Variants in DSCAM observed in about 807,000 individuals in gnomAD.
DSCAM encodes the protein cell adhesion molecule DSCAM.
DSCAM carries 47 observed loss-of-function variants against 217.7 expected under a neutral mutation model. The ratio of observed to expected loss-of-function variants is 0.22; its 90% CI spans 0.17 to 0.28. The LOEUF (loss-of-function observed/expected upper bound fraction) is 0.28, where lower values mean the gene tolerates loss of function less well. Ranked by LOEUF, DSCAM falls within the 10% of genes least tolerant of loss-of-function variation. DSCAM has a pLI of 1.00. For synonymous variants in DSCAM, 1,056 were observed against 1,015.3 expected (o/e 1.04, Z -0.76); for missense variants, 2,080 against 2,618.3 (o/e 0.79, Z 4.49).
intron 11 of DSCAM, among the ~76,000 whole-genome samples, chr21:40,231,436 A>G (rs993863454): frequency 6.6e-6 from 1 of 151,658 alleles, no homozygotes; most frequent in Non-Finnish European, 1.5e-5. Flanking sequence ...TCCGGGTGAG[A>G]GTTTATCTCT....
At chr21:40,130,238 T>C (rs902728496) in intron 19 of DSCAM, among the ~76,000 whole-genome samples, 29 of 152,238 alleles carry the variant, frequency 1.9e-4, no homozygotes, top group Non-Finnish European at 4.0e-4. Flanking sequence ...ACTCGTATTA[T>C]AGTATTGGCA....
rs114726189 is a variant in DSCAM at position 40,090,996 on chromosome 21, C to T, written c.3850+2725G>A. ...TCATTCTTGCTATCTCCTTCTCCAC[C>T]CTCCTCCATTTCTGCCTCTCTGCAG... On this transcript the variant is annotated intron_variant, in intron 21 of 32. Transcript: ENST00000400454. Among the ~76,000 whole-genome samples the T allele has an allele frequency of 6.9e-3, 1,049 of 152,284 alleles. 13 individuals are homozygous for T. Among genetic ancestry groups the T allele is most frequent in the African/African-American group, 0.024 (977 of 41,546 alleles).
intron 1 of DSCAM, among the ~76,000 whole-genome samples, chr21:40,782,933 C>T (rs945145846): frequency 6.6e-6 from 1 of 152,096 alleles, no homozygotes; most frequent in African/African-American, 2.4e-5. Flanking sequence ...TGCCCTGAGG[C>T]GGATCACATA....
intron 24 of DSCAM, among the ~76,000 whole-genome samples, chr21:40,082,011 T>A (rs1248594616): frequency 6.6e-6 from 1 of 152,130 alleles, no homozygotes; most frequent in Non-Finnish European, 1.5e-5. Context: ...TGCCCCCTAT[T>A]TTTTTCCTAT....
intron 3 of DSCAM, among the ~76,000 whole-genome samples, chr21:40,526,021 C>A (rs7276349): frequency 0.088 from 13,422 of 152,208 alleles, 910 homozygotes; most frequent in East Asian, 0.23. Context: ...TGCTGGACAA[C>A]ACCCTCTCTA....
intron 1 of DSCAM, among the ~76,000 whole-genome samples, chr21:40,772,814 C>T (rs969955798): frequency 2.0e-5 from 3 of 152,248 alleles, no homozygotes; most frequent in African/African-American, 7.2e-5. Flanking sequence ...TGGACCAGGG[C>T]CCGTAACAAA....
chr21:40,786,906 G>A (rs7279907), intron 1 of DSCAM, among the ~76,000 whole-genome samples: 30,505 of 151,834 alleles, frequency 0.2, 3,846 homozygotes, highest in African/African-American at 0.36. Flanking sequence ...TTCATATTAC[G>A]AATCTGAAAC....
At chr21:40,348,726 G>A (rs942107674) in intron 5 of DSCAM, among the ~76,000 whole-genome samples, 1 of 152,112 alleles carries the variant, frequency 6.6e-6, no homozygotes, top group Non-Finnish European at 1.5e-5. Flanking sequence ...ATTTTGTTTG[G>A]GAACATCCTC....
At chr21:40,716,482 A>C (rs2090843713) in intron 1 of DSCAM, among the ~76,000 whole-genome samples, 1 of 152,168 alleles carries the variant, frequency 6.6e-6, no homozygotes, top group Non-Finnish European at 1.5e-5. Context: ...TTCAGGGTTG[A>C]AAATCCTGGG....
At chr21:40,513,820 A>AT (rs1281706908) in intron 3 of DSCAM, among the ~76,000 whole-genome samples, 2 of 152,170 alleles carry the variant, frequency 1.3e-5, no homozygotes, top group East Asian at 3.9e-4. Context: ...AAAATAACAT[A>AT]TTAGAGAGAG....
intron 3 of DSCAM, chr21:40,383,204 T>G (rs1270820636): frequency 6.6e-6 from 1 of 152,046 alleles, no homozygotes; most frequent in Non-Finnish European, 1.5e-5. Context: ...GGTGTGCGCC[T>G]GGAATCCCAG....
rs3818650 is a variant in DSCAM at position 40,144,324 on chromosome 21, G to A, written c.3259+167C>T. ...CCTGCCCCAGGGCGGGCAGATCAGC[G>A]GGGTGGGCGAGGTCACGAGGGAAGG... On this transcript the variant is annotated intron_variant, in intron 17 of 32. Coordinates refer to ENST00000400454, the MANE Select transcript of DSCAM (RefSeq NM_001389.5). This position sits in a 1 kb window ranked among gnomAD's most constrained non-coding sequence, Gnocchi z 4.8. Among the ~76,000 whole-genome samples, 67,167 of 151,974 alleles carry A rather than the reference G, an allele frequency of 0.44. 18,086 individuals are homozygous for A. The highest frequency in any genetic ancestry group is 0.6 in the South Asian group (2,855 of 4,798).
chr21:40,526,681 C>T (rs759682993), intron 3 of DSCAM, among the ~76,000 whole-genome samples: 24 of 152,092 alleles, frequency 1.6e-4, no homozygotes, highest in Non-Finnish European at 3.1e-4. Context: ...ACCATTAGGG[C>T]ACTTCAACAG....
intron 3 of DSCAM, among the ~76,000 whole-genome samples, chr21:40,484,779 A>G (rs2076011079): frequency 2.6e-5 from 4 of 152,156 alleles, no homozygotes; most frequent in African/African-American, 9.7e-5. Flanking sequence ...CCTGTTTTAT[A>G]CAGGGAGATG....
intron 3 of DSCAM, among the ~76,000 whole-genome samples, chr21:40,599,753 A>G (rs2077048672): frequency 6.6e-6 from 1 of 152,220 alleles, no homozygotes; most frequent in Non-Finnish European, 1.5e-5. Context: ...AATAGACACA[A>G]TAAAACACGA....
At position 40,750,362 on chromosome 21, in the gene DSCAM, T is replaced by C. The variant is rs141931339; in HGVS notation, c.44-41591A>G. 4.8e-3 allele frequency among the ~76,000 whole-genome samples: 730 copies of C among 152,340 alleles called. 2 individuals carry two copies. Among genetic ancestry groups the C allele is most frequent in the African/African-American group, 0.016 (683 of 41,588 alleles). On this transcript the variant is annotated intron_variant, in intron 1 of 32. Transcript: ENST00000400454. ...GCTGTAGCAGTGATAATTGACACTA[T>C]TGATCATGCATGGTTTCCCTCTGAT...
chr21:40,396,892 C>T (rs1470496901), intron 3 of DSCAM, among the ~76,000 whole-genome samples: 2 of 152,104 alleles, frequency 1.3e-5, no homozygotes, highest in Non-Finnish European at 2.9e-5. Flanking sequence ...GGAAACTAAC[C>T]ATGAGGGCCT....
chr21:40,148,824 C>G (rs2090388286), intron 16 of DSCAM, among the ~76,000 whole-genome samples: 1 of 152,030 alleles, frequency 6.6e-6, no homozygotes, highest in Non-Finnish European at 1.5e-5. Context: ...CTGACATCAC[C>G]AACATTACAA....
rs535348371 is a variant in DSCAM at position 40,407,243 on chromosome 21, A to G, written c.509-37998T>C. 4.6e-5 allele frequency among the ~76,000 whole-genome samples: 7 copies of G among 152,332 alleles called. No homozygotes were observed. The South Asian group carries it at 1.2e-3, about 27-fold the overall frequency. On this transcript the variant is annotated intron_variant, in intron 3 of 32. Transcript: ENST00000400454. ...TTGTGTACATTTCCACATTGTATAT[A>G]TATTTCAGAACAGCATGTTGTGCAA...
Sources: gnomAD v4.1 joint callset for allele counts (sites outside exome capture counted in the v4.1 genomes callset) on GRCh38, gnomAD v4.1.1 for gene constraint, Gnocchi (gnomAD v3.1) non-coding constraint, MANE v1.5 for transcripts, NCBI Gene and HGNC (gene_info 2026-07-23, HGNC 2026-07-21) for gene names.